ZNF592: variants seen among roughly 807,000 people sequenced by gnomAD.
The protein encoded by ZNF592 is spinocerebellar ataxia, autosomal recessive 5.
Under a neutral mutation model 80.3 loss-of-function variants are expected in ZNF592, and 11 were observed. That is an observed-to-expected ratio of 0.14 (90% CI 0.09 to 0.23). ZNF592 has a LOEUF of 0.23. Among genes scored for constraint, ZNF592 ranks in the 10% least tolerant of loss-of-function variants. ZNF592 has a pLI of 1.00. For missense variants in ZNF592, 1,420 were observed against 1,633.9 expected (o/e 0.87, Z 2.26); for synonymous variants, 646 against 640.3 (o/e 1.01, Z -0.13).
chr15:84,766,292 A>G (rs1899516922), intron 2 of ZNF592, among the ~76,000 whole-genome samples: 1 of 152,166 alleles, frequency 6.6e-6, no homozygotes, highest in African/African-American at 2.4e-5. Flanking sequence ...ACATTTCACT[A>G]TGTGAAGGCT....
chr15:84,785,527 TTCTTGAACTCCTGGCTTCAAGTGA>T, intron 4 of ZNF592, among the ~76,000 whole-genome samples: 1 of 152,122 alleles, frequency 6.6e-6, no homozygotes, highest in Non-Finnish European at 1.5e-5. Flanking sequence ...GCCCAGGCTG[TTCTTGAACTCCTGGCTTCAAGTGA>T]TCTGCCCACC....
At chr15:84,794,891 A>G (rs1442987057) in intron 5 of ZNF592, among the ~76,000 whole-genome samples, 1 of 152,198 alleles carries the variant, frequency 6.6e-6, no homozygotes, top group East Asian at 1.9e-4. Context: ...TCTGAATACA[A>G]GTTACTTGTC....
chr15:84,764,641 T>C (rs1326999221), intron 1 of ZNF592, 66 bp from the exon 2 acceptor site: 1 of 397,552 alleles, frequency 2.5e-6, no homozygotes, highest in Admixed American at 4.4e-5. Context: ...TTAAACTATC[T>C]TTCCTTACTC....
chr15:84,803,393 G>A lies in ZNF592; in HGVS notation c.*1000G>A, dbSNP rs990439434. Reference sequence around the variant, plus strand: ...GACTTCCCCTGTTTGTCCCATCTCTGAGGGAGAACAATACTTCCTACTGTC... The same window carrying A: ...GACTTCCCCTGTTTGTCCCATCTCTAAGGGAGAACAATACTTCCTACTGTC... On this transcript the variant is annotated 3_prime_UTR_variant, in exon 11 of 11. Coordinates refer to ENST00000560079, the MANE Select transcript of ZNF592 (RefSeq NM_014630.3). 1 of 152,626 alleles carries A rather than the reference G, an allele frequency of 6.6e-6. No individual in the cohort carries two copies. Among genetic ancestry groups the A allele is most frequent in the Non-Finnish European group, 1.5e-5 (1 of 68,100 alleles). The allele number at this position is 152,626 out of a possible 1,614,324, so 9.5% of individuals were successfully genotyped here.
intron 2 of ZNF592, among the ~76,000 whole-genome samples, chr15:84,769,929 C>G (rs1019090324): frequency 2.0e-5 from 3 of 152,148 alleles, no homozygotes; most frequent in African/African-American, 7.2e-5. Context: ...GCATGGGCCA[C>G]TGTGCCCAGT....
intron 4 of ZNF592, among the ~76,000 whole-genome samples, chr15:84,790,046 T>G (rs1056693201): frequency 6.6e-6 from 1 of 152,074 alleles, no homozygotes; most frequent in Non-Finnish European, 1.5e-5. Flanking sequence ...TGTCTGTGGG[T>G]ATGTTTGCTT....
At chr15:84,779,890 T>C (rs1212038950) in intron 3 of ZNF592, among the ~76,000 whole-genome samples, 1 of 151,790 alleles carries the variant, frequency 6.6e-6, no homozygotes, top group African/African-American at 2.4e-5. Context: ...ACAATCAACT[T>C]CTCCTCCTCT....
In ZNF592 at chr15:84,801,985, C is replaced by T. The variant is rs143259756; in HGVS notation, c.3396C>T (p.Ala1132=). Residue 1132 remains alanine (A), a synonymous_variant, in exon 11 of 11, where the codon GCC becomes GCT. Transcript: ENST00000560079. ...SLFQCAKCSF[A]TDSGLEFQSH... is the part of the protein sequence containing the mutation. Reference sequence around the variant, plus strand: ...TTCAGTGCGCGAAATGTAGTTTTGCCACAGACTCGGGGCTCGAGTTTCAGA... The same window carrying T: ...TTCAGTGCGCGAAATGTAGTTTTGCTACAGACTCGGGGCTCGAGTTTCAGA... 10,004 of 1,613,960 alleles carry T rather than the reference C, an allele frequency of 6.2e-3. 58 individuals carry two copies. The highest frequency in any genetic ancestry group is 7.7e-3 in the Non-Finnish European group (9,118 of 1,179,866).
At position 84,799,911 on chromosome 15, in the gene ZNF592, T is replaced by A; in HGVS notation, c.3207T>A (p.His1069Gln). 1 of 1,614,206 alleles carries A rather than the reference T, an allele frequency of 6.2e-7. No individual in the cohort carries two copies. The highest frequency in any genetic ancestry group is 8.5e-7 in the Non-Finnish European group (1 of 1,180,022). Reference protein sequence around the residue: ...SLLESHISLMHGIRNPDLSQT... With the variant: ...SLLESHISLMQGIRNPDLSQT... ...TGGAGAGCCACATCAGCCTTATGCA[T>A]GGCATCAGAAACCCTGATTTGAGCC... Residue 1069 changes from histidine (H) to glutamine (Q), a missense_variant, in exon 10 of 11, where the codon CAT becomes CAA. This residue lies in a region of ZNF592 where 331 missense variants were observed against 347.0 expected (regional missense o/e 0.95). Transcript: ENST00000560079. This position sits in a 1 kb window ranked among gnomAD's most constrained non-coding sequence, Gnocchi z 4.2.
chr15:84,786,812 G>A lies in ZNF592; in HGVS notation c.2220+1917G>A, dbSNP rs554875446. 6.4e-4 allele frequency among the ~76,000 whole-genome samples: 96 copies of A among 150,550 alleles called. 1 individual carries two copies. The Middle Eastern group carries it at 0.014, about 21-fold the overall frequency. On this transcript the variant is annotated intron_variant, in intron 4 of 10. Transcript: ENST00000560079. The stretch of plus-strand genomic sequence containing the variant: ...CAGTGGAGGTCTGATGCCTGGGCCT[G>A]GGATTTTTTCACACTGGTCCTTACG...
rs1005844011 is a variant in ZNF592 at position 84,798,235 on chromosome 15, C to T, written c.2577-80C>T. 1.0e-5 allele frequency: 16 copies of T among 1,606,434 alleles called. No homozygotes were observed. The highest frequency in any genetic ancestry group is 2.6e-6 in the Non-Finnish European group (3 of 1,176,370). Reference sequence around the variant, plus strand: ...GGGTAGTGCTTTCCCAAACTTGACCCTGGTTCAGAGAGAGCAGAGATGGGT... The same window carrying T: ...GGGTAGTGCTTTCCCAAACTTGACCTTGGTTCAGAGAGAGCAGAGATGGGT... On this transcript the variant is annotated intron_variant, in intron 6 of 10. Coordinates refer to ENST00000560079, the MANE Select transcript of ZNF592 (RefSeq NM_014630.3). The surrounding 1 kb of genome is among the most constrained non-coding windows in gnomAD (Gnocchi z 4.5).
chr15:84,788,806 A>C (rs1446251880), intron 4 of ZNF592, among the ~76,000 whole-genome samples: 1 of 152,206 alleles, frequency 6.6e-6, no homozygotes, highest in African/African-American at 2.4e-5. Flanking sequence ...GAGTTTGACT[A>C]TTCTAGGTAT....
At chr15:84,775,019 G>T (rs1962203029) in intron 2 of ZNF592, among the ~76,000 whole-genome samples, 1 of 152,054 alleles carries the variant, frequency 6.6e-6, no homozygotes, top group African/African-American at 2.4e-5. Flanking sequence ...GACCTCAGGT[G>T]ATCCACCTGC....
rs1333180031 is a variant in ZNF592 at position 84,784,550 on chromosome 15, C to T, written c.1875C>T (p.Leu625=). The T allele has an allele frequency of 3.7e-6, 6 of 1,614,194 alleles. No individual in the cohort carries two copies. The highest frequency in any genetic ancestry group is 5.1e-6 in the Non-Finnish European group (6 of 1,180,040). Residue 625 remains leucine (L), a synonymous_variant, in exon 4 of 11, where the codon CTC becomes CTT. Transcript: ENST00000560079. This position sits in a 1 kb window ranked among gnomAD's most constrained non-coding sequence, Gnocchi z 5.8. Reference sequence around the variant, plus strand: ...GCACACTGTGCTCCAAGACGCTGCTCTTCTTCAACAAGTGCAGCCTGCTCC... The same window carrying T: ...GCACACTGTGCTCCAAGACGCTGCTTTTCTTCAACAAGTGCAGCCTGCTCC... The part of the protein sequence containing the change: ...VLCTLCSKTL[L]FFNKCSLLRH...
intron 1 of ZNF592, among the ~76,000 whole-genome samples, chr15:84,755,926 G>T (rs964489053): frequency 4.6e-5 from 7 of 152,306 alleles, no homozygotes; most frequent in South Asian, 2.1e-4. Context: ...GCACCTATCT[G>T]GGAGGAGCTG....
rs1222968682 is a variant in ZNF592, at chr15:84,782,732, A to G, written c.57A>G (p.Pro19=). ...ACCTTCTGGCTGCCTTTGACATCCCAGACCCCACCAGCCTTGATGCCAAGG... is the reference window on the plus strand; with the variant it reads ...ACCTTCTGGCTGCCTTTGACATCCCGGACCCCACCAGCCTTGATGCCAAGG... ...FDDLLAAFDI[P]DPTSLDAKEA... Residue 19 remains proline (P), a synonymous_variant, in exon 4 of 11, where the codon CCA becomes CCG. Coordinates refer to ENST00000560079, the MANE Select transcript of ZNF592 (RefSeq NM_014630.3). 1 of 1,614,158 alleles carries G rather than the reference A, an allele frequency of 6.2e-7. No individual in the cohort carries two copies. The highest frequency in any genetic ancestry group is 2.2e-5 in the East Asian group (1 of 44,892).
intron 4 of ZNF592, among the ~76,000 whole-genome samples, 160 bp from the exon 5 acceptor site, chr15:84,790,545 G>T (rs1962717059): frequency 1.3e-5 from 2 of 152,208 alleles, no homozygotes; most frequent in Non-Finnish European, 2.9e-5. Context: ...CACTGGAAAT[G>T]AGGTCTAGGG....
Position 84,784,368 on chromosome 15 carries a change from G to A in ZNF592, c.1693G>A (p.Val565Met), listed in dbSNP as rs868816313. Residue 565 changes from valine to methionine, a missense_variant, in exon 4 of 11, where the codon GTG (valine) becomes ATG (methionine). Coordinates refer to ENST00000560079, the MANE Select transcript of ZNF592 (RefSeq NM_014630.3). This position sits in a 1 kb window ranked among gnomAD's most constrained non-coding sequence, Gnocchi z 5.8. ...FNKVLHSSNP[V>M]PLYAPNLSPP... is the part of the protein sequence containing the mutation. ...CAAGGTCCTTCACAGCTCCAACCCC[G>A]TGCCCCTCTATGCGCCAAATCTCAG... The A allele has an allele frequency of 1.9e-6, 3 of 1,614,138 alleles. No homozygotes were observed. Among genetic ancestry groups the A allele is most frequent in the Non-Finnish European group, 2.5e-6 (3 of 1,180,036 alleles).
chr15:84,781,378 A>G (rs1420060284), intron 3 of ZNF592, among the ~76,000 whole-genome samples: 1 of 151,478 alleles, frequency 6.6e-6, no homozygotes, highest in Non-Finnish European at 1.5e-5. Flanking sequence ...ACTGCGTTAT[A>G]GTCTATCAAG....
Sources: allele counts gnomAD v4.1 joint callset (sites outside exome capture counted in the v4.1 genomes callset), GRCh38; gene constraint gnomAD v4.1.1; regional missense constraint gnomAD v4.1.1; non-coding constraint Gnocchi (gnomAD v3.1); transcripts MANE v1.5; gene names NCBI Gene and HGNC (gene_info 2026-07-23, HGNC 2026-07-21).